Variants in PAPPA2 observed in about 807,000 individuals in gnomAD.
PAPPA2 encodes pappalysin-2.
Under a neutral mutation model 176.4 loss-of-function variants are expected in PAPPA2, and 86 were observed. The observed-to-expected ratio is 0.49, with a 90% CI of 0.41 to 0.58. The LOEUF (loss-of-function observed/expected upper bound fraction) is 0.58, where lower values mean the gene tolerates loss of function less well. Among genes scored for constraint, PAPPA2 ranks in the 20% least tolerant of loss-of-function variants. The pLI, the probability that PAPPA2 is intolerant of heterozygous loss-of-function variation, is 0.00. For missense variants in PAPPA2, 2,073 were observed against 2,256.9 expected, an observed-to-expected ratio of 0.92 and a Z score of 1.65; for synonymous variants, 809 against 852.2, an observed-to-expected ratio of 0.95 and a Z score of 0.88.
At chr1:176,788,370 G>A (rs1414487498) in intron 17 of PAPPA2, among the ~76,000 whole-genome samples, 1 of 152,156 alleles carries the variant, frequency 6.6e-6, no homozygotes, top group Non-Finnish European at 1.5e-5. Context: ...GCTACAGGAG[G>A]TATTGCACTA....
At position 176,793,587 on chromosome 1, in the gene PAPPA2, T is replaced by C. The variant is rs1665283228; in HGVS notation, c.5048T>C (p.Ile1683Thr). ...IGAVCSPLCV[I>T]PPSDPVMLPE... is the part of the protein sequence containing the mutation. ...GCAGTGTGTTCCCCATTGTGTGTAA[T>C]CCCCCCCAGTGACCCCGTGATGCTA... Residue 1683 changes from isoleucine (I) to threonine (T), a missense_variant, in exon 20 of 23, where the codon ATC (isoleucine) becomes ACC (threonine). Ile to Thr is a moderately conservative substitution (Grantham distance 89, BLOSUM62 -1). Coordinates refer to ENST00000367662, the MANE Select transcript of PAPPA2 (RefSeq NM_020318.3). 1.2e-6 allele frequency: 2 copies of C among 1,612,350 alleles called. No individual in the cohort carries two copies. Among genetic ancestry groups the C allele is most frequent in the South Asian group, 2.2e-5 (2 of 91,000 alleles).
intron 1 of PAPPA2, among the ~76,000 whole-genome samples, chr1:176,480,970 G>A (rs1261780347): frequency 2.6e-5 from 4 of 151,962 alleles, no homozygotes; most frequent in Non-Finnish European, 5.9e-5. Flanking sequence ...TCTCTCCTAG[G>A]CCTGCACCTC....
chr1:176,507,923 A>G (rs191175184), intron 1 of PAPPA2, among the ~76,000 whole-genome samples: 1 of 152,284 alleles, frequency 6.6e-6, no homozygotes, highest in Admixed American at 6.5e-5. Flanking sequence ...TTTAAAAAAA[A>G]TTATATAAAA....
chr1:176,593,943 G>C (rs1303332768), intron 2 of PAPPA2, among the ~76,000 whole-genome samples: 1 of 152,162 alleles, frequency 6.6e-6, no homozygotes, highest in East Asian at 1.9e-4. Flanking sequence ...GCCATGAGAG[G>C]TATTAGAGGG....
chr1:176,655,582 T>C (rs1657989356), intron 3 of PAPPA2, among the ~76,000 whole-genome samples: 1 of 151,878 alleles, frequency 6.6e-6, no homozygotes, highest in Non-Finnish European at 1.5e-5. Context: ...GATGCCATCT[T>C]ACACCAGTCA....
intron 1 of PAPPA2, among the ~76,000 whole-genome samples, chr1:176,488,708 G>C (rs1201837058): frequency 6.6e-6 from 1 of 152,148 alleles, no homozygotes; most frequent in Non-Finnish European, 1.5e-5. Flanking sequence ...GTTGTTCATG[G>C]GCTTGAGAGA....
intron 3 of PAPPA2, among the ~76,000 whole-genome samples, chr1:176,640,932 G>T (rs1228246361): frequency 6.6e-6 from 1 of 152,202 alleles, no homozygotes; most frequent in Non-Finnish European, 1.5e-5. Context: ...GCATTTCTCT[G>T]ATGGTCAGTG....
chr1:176,625,832 G>A (rs1488317134), intron 3 of PAPPA2, among the ~76,000 whole-genome samples: 2 of 152,104 alleles, frequency 1.3e-5, no homozygotes, highest in African/African-American at 4.8e-5. Context: ...ATCAGCCTGG[G>A]CAACATGGCA....
intron 1 of PAPPA2, among the ~76,000 whole-genome samples, chr1:176,541,694 C>T (rs1004584039): frequency 8.5e-5 from 13 of 152,140 alleles, no homozygotes; most frequent in Admixed American, 5.2e-4. Context: ...AACACTTTAA[C>T]GAGAAGTATT....
intron 1 of PAPPA2, among the ~76,000 whole-genome samples, chr1:176,529,785 C>T (rs1196021111): frequency 6.6e-6 from 1 of 151,784 alleles, no homozygotes; most frequent in Non-Finnish European, 1.5e-5. Context: ...TTTTTTTAAA[C>T]CTTCAAGATG....
chr1:176,524,712 C>A (rs1649390803), intron 1 of PAPPA2, among the ~76,000 whole-genome samples: 1 of 152,106 alleles, frequency 6.6e-6, no homozygotes, highest in African/African-American at 2.4e-5. Context: ...TATGGAGCTG[C>A]ATTTGCTCCT....
chr1:176,774,697 A>G (rs2102917683), intron 17 of PAPPA2, among the ~76,000 whole-genome samples: 1 of 152,248 alleles, frequency 6.6e-6, no homozygotes, highest in East Asian at 1.9e-4. Flanking sequence ...GGCCTTCAAA[A>G]AACTCAAATC....
intron 21 of PAPPA2, among the ~76,000 whole-genome samples, chr1:176,839,202 C>A (rs1231516659): frequency 1.3e-5 from 2 of 152,118 alleles, no homozygotes; most frequent in African/African-American, 4.8e-5. Context: ...TGAGGAGCAG[C>A]CAGGTTATTG....
intron 17 of PAPPA2, among the ~76,000 whole-genome samples, chr1:176,776,867 A>G (rs1019566567): frequency 3.3e-5 from 5 of 150,472 alleles, no homozygotes; most frequent in African/African-American, 1.2e-4. Flanking sequence ...ATATAATTTG[A>G]TATAGTAATT....
At chr1:176,665,429 C>T (rs1186814513) in intron 3 of PAPPA2, among the ~76,000 whole-genome samples, 1 of 152,100 alleles carries the variant, frequency 6.6e-6, no homozygotes, top group Non-Finnish European at 1.5e-5. Context: ...AGAGTTGGCG[C>T]CTGATGCAAT....
At chr1:176,617,046 TAAA>T (rs2102685961) in intron 3 of PAPPA2, among the ~76,000 whole-genome samples, 1 of 152,216 alleles carries the variant, frequency 6.6e-6, no homozygotes, top group South Asian at 2.1e-4. Context: ...AGAACTCTTA[TAAA>T]ATGCTCTGTG....
chr1:176,728,118 T>C (rs1661969045), intron 12 of PAPPA2, among the ~76,000 whole-genome samples: 1 of 151,692 alleles, frequency 6.6e-6, no homozygotes, highest in Non-Finnish European at 1.5e-5. Flanking sequence ...TTAAAATCAA[T>C]TAAAATAAAA....
chr1:176,711,707 T>G, intron 11 of PAPPA2, 128 bp from the exon 12 acceptor site: 1 of 1,043,066 alleles, frequency 9.6e-7, no homozygotes, highest in Non-Finnish European at 1.4e-6. Context: ...AAAAGTTTTC[T>G]GCCAATAATG....
chr1:176,485,602 T>C (rs962303649), intron 1 of PAPPA2, among the ~76,000 whole-genome samples: 1 of 152,200 alleles, frequency 6.6e-6, no homozygotes, highest in African/African-American at 2.4e-5. Flanking sequence ...TATATATATA[T>C]AGTTTATTAT....
Sources: allele counts gnomAD v4.1 joint callset (sites outside exome capture counted in the v4.1 genomes callset), GRCh38; gene constraint gnomAD v4.1.1; transcripts MANE v1.5; gene names NCBI Gene and HGNC (gene_info 2026-07-23, HGNC 2026-07-21).